The following WASHC2A variants were observed in gnomAD, a reference collection of about 807,000 sequenced individuals.
WASHC2A encodes WASH complex subunit FAM21A.
WASHC2A carries 82 observed loss-of-function variants against 140.3 expected under a neutral mutation model. That is an observed-to-expected ratio of 0.58 (90% CI 0.49 to 0.70). The LOEUF (loss-of-function observed/expected upper bound fraction) is 0.70, where lower values mean the gene tolerates loss of function less well. Among genes scored for constraint, WASHC2A ranks in the 30% least tolerant of loss-of-function variants. WASHC2A has a pLI of 0.00. For synonymous variants in WASHC2A, 340 were observed against 560.8 expected (o/e 0.61, Z 5.56); for missense variants, 985 against 1,521.8 (o/e 0.65, Z 5.87).
At chr10:50,076,636 C>T (rs1299645487) in intron 3 of WASHC2A, among the ~76,000 whole-genome samples, 1 of 152,090 alleles carries the variant, frequency 6.6e-6, no homozygotes, top group Non-Finnish European at 1.5e-5. Flanking sequence ...TATTTATTCC[C>T]TCTCTAGGTA....
Position 50,127,341 on chromosome 10 carries a change from C to T in WASHC2A, c.2874+119C>T, listed in dbSNP as rs1235339404. 1.7e-5 allele frequency: 27 copies of T among 1,583,134 alleles called. No individual in the cohort carries two copies. In the African/African-American group the frequency reaches 1.9e-4, roughly 11 times the overall value. On this transcript the variant is annotated intron_variant, in intron 27 of 30. Transcript: ENST00000282633. ...CTCATCTCTTCCCCCGCCTCCCCTC[C>T]CCTGCACCTAGTTGTTGTCTCCTGT...
chr10:50,113,660 G>C (rs1402096691), intron 20 of WASHC2A, among the ~76,000 whole-genome samples: 1 of 142,244 alleles, frequency 7.0e-6, no homozygotes, highest in African/African-American at 2.6e-5. Context: ...ATAGTAACAG[G>C]AAAGGGGCAA....
chr10:50,070,980 C>T (rs1374149086), intron 3 of WASHC2A, among the ~76,000 whole-genome samples: 38 of 93,424 alleles, frequency 4.1e-4, no homozygotes, highest in African/African-American at 1.1e-3. Flanking sequence ...TGCGGTGAGC[C>T]GAGATCCTGC....
At chr10:50,081,817 T>G (rs1464328067) in intron 5 of WASHC2A, among the ~76,000 whole-genome samples, 1 of 151,676 alleles carries the variant, frequency 6.6e-6, no homozygotes, top group Non-Finnish European at 1.5e-5. Context: ...ATTTTTAGTA[T>G]AGACAGGGTT....
chr10:50,132,121 C>T (rs551736593), intron 30 of WASHC2A, among the ~76,000 whole-genome samples: 81 of 152,308 alleles, frequency 5.3e-4, no homozygotes, highest in East Asian at 3.5e-3. Flanking sequence ...GTGGTGTGCA[C>T]GATTTCTTTG....
intron 8 of WASHC2A, among the ~76,000 whole-genome samples, chr10:50,088,991 G>T (rs1839635259): frequency 8.1e-6 from 1 of 123,618 alleles, no homozygotes; most frequent in African/African-American, 3.1e-5. Context: ...TTGAGACAGA[G>T]TCTCTCTCTG....
At chr10:50,127,054 A>T in intron 26 of WASHC2A, 106 bp from the exon 27 acceptor site, 1 of 1,274,052 alleles carries the variant, frequency 7.8e-7, no homozygotes, top group African/African-American at 1.5e-5. Context: ...TTAAAGAGCT[A>T]CAGAAAGTGA....
chr10:50,132,883 A>T lies in WASHC2A; in HGVS notation c.3964A>T (p.Arg1322Ter). The change falls in exon 31 of 31, where the codon AGA becomes TGA. Residue 1322 changes from arginine (R) to a stop codon, truncating the protein, a stop_gained. Coordinates refer to ENST00000282633, the MANE Select transcript of WASHC2A (RefSeq NM_001005751.3). LOFTEE classifies it high-confidence loss of function. ...SRSAQAAPEP[R>*]FEHKVSNIFD... ...ATCTGCACAGGCCGCACCTGAACCAAGATTTGAACACAAGGTGTCCAACAT... is the reference window on the plus strand; with the variant it reads ...ATCTGCACAGGCCGCACCTGAACCATGATTTGAACACAAGGTGTCCAACAT... 1 of 1,612,064 alleles carries T rather than the reference A, an allele frequency of 6.2e-7. No individual in the cohort carries two copies. The highest frequency in any genetic ancestry group is 8.5e-7 in the Non-Finnish European group (1 of 1,179,858).
intron 3 of WASHC2A, among the ~76,000 whole-genome samples, chr10:50,071,527 G>T (rs1837814563): frequency 6.6e-6 from 1 of 151,842 alleles, no homozygotes; most frequent in African/African-American, 2.4e-5. Flanking sequence ...GGATGATCTC[G>T]ATCTCCTGAC....
chr10:50,107,657 C>T (rs552793836), intron 19 of WASHC2A, among the ~76,000 whole-genome samples: 1 of 152,050 alleles, frequency 6.6e-6, no homozygotes, highest in South Asian at 2.1e-4. Context: ...CGTGGTGGCT[C>T]ACGTCTGTAA....
intron 15 of WASHC2A, among the ~76,000 whole-genome samples, chr10:50,097,471 C>G (rs1451996323): frequency 1.4e-5 from 2 of 144,092 alleles, no homozygotes; most frequent in African/African-American, 5.0e-5. Flanking sequence ...ACTGTCTGTT[C>G]TGTCTTTCAA....
intron 7 of WASHC2A, among the ~76,000 whole-genome samples, chr10:50,086,954 T>C (rs1465391011): frequency 7.5e-6 from 1 of 133,506 alleles, no homozygotes; most frequent in Non-Finnish European, 1.6e-5. Flanking sequence ...TTCAGTAATT[T>C]AGTTAGTTAA....
At chr10:50,095,814 C>T in intron 15 of WASHC2A, 36 bp downstream of exon 15, 1 of 1,571,726 alleles carries the variant, frequency 6.4e-7, no homozygotes, top group Non-Finnish European at 8.6e-7. Context: ...GGACTTCAGC[C>T]AGAAAAAGAA....
chr10:50,104,919 A>T (rs71240812), intron 18 of WASHC2A, among the ~76,000 whole-genome samples: 46,107 of 148,310 alleles, frequency 0.31, 8,276 homozygotes, highest in Non-Finnish European at 0.41. Flanking sequence ...TTCCTGACAT[A>T]TCCAGCTTTT....
chr10:50,068,047 G>T, intron 1 of WASHC2A, 39 bp downstream of exon 1: 3 of 1,607,982 alleles, frequency 1.9e-6, no homozygotes, highest in Non-Finnish European at 2.5e-6. Context: ...GCCTGGGCTG[G>T]GGCCGCCGTC....
chr10:50,126,644 G>A (rs1843460635), intron 26 of WASHC2A: 2 of 298,926 alleles, frequency 6.7e-6, no homozygotes, highest in Non-Finnish European at 1.3e-5. Flanking sequence ...AACAGCCCAG[G>A]ACTGGAGAGC....
At position 50,106,396 on chromosome 10, in the gene WASHC2A, A is replaced by G; in HGVS notation, c.1800A>G (p.Glu600=). ...KQTLCLQAQR[E]EKAKASELSK... is the part of the protein sequence containing the mutation. The stretch of plus-strand genomic sequence containing the variant: ...CATTGTGTCTACAAGCTCAGAGAGA[A>G]GAGAAAGCAAAAGCCTCCGAGCTCT... The change falls in exon 19 of 31, where the codon GAA becomes GAG. Residue 600 remains glutamate (E), a synonymous_variant. Coordinates refer to ENST00000282633, the MANE Select transcript of WASHC2A (RefSeq NM_001005751.3). 6.2e-7 allele frequency: 1 copy of G among 1,612,004 alleles called. No individual in the cohort carries two copies. The highest frequency in any genetic ancestry group is 1.1e-5 in the South Asian group (1 of 90,982).
At chr10:50,101,994 C>G (rs1226063128) in intron 17 of WASHC2A, among the ~76,000 whole-genome samples, 1 of 152,230 alleles carries the variant, frequency 6.6e-6, no homozygotes, top group Non-Finnish European at 1.5e-5. Flanking sequence ...CTTCTTTGTT[C>G]CAGCCTTGGA....
At chr10:50,125,562 C>G in intron 25 of WASHC2A, 113 bp downstream of exon 25, 1 of 1,604,344 alleles carries the variant, frequency 6.2e-7, no homozygotes, top group South Asian at 1.1e-5. Context: ...CTGCTTCCTA[C>G]TAAATGAATG....
Sources: allele counts gnomAD v4.1 joint callset (sites outside exome capture counted in the v4.1 genomes callset), GRCh38; gene constraint gnomAD v4.1.1; transcripts MANE v1.5; gene names NCBI Gene and HGNC (gene_info 2026-07-23, HGNC 2026-07-21).